The following TUSC3 variants were observed in gnomAD, a reference collection of about 807,000 sequenced individuals.
TUSC3 encodes the protein dolichyl-diphosphooligosaccharide--protein glycosyltransferase subunit TUSC3.
In TUSC3, 45 loss-of-function variants were observed where a neutral mutation model predicts 44.8. That is an observed-to-expected ratio of 1.00 (90% CI 0.79 to 1.29). The LOEUF is 1.29. Ranked by LOEUF, TUSC3 falls within the 50% of genes most tolerant of loss-of-function variation. TUSC3 has a pLI of 0.00. For missense variants in TUSC3, 519 were observed against 437.9 expected (o/e 1.19, Z -1.65); for synonymous variants, 212 against 152.9 (o/e 1.39, Z -2.85).
intron 1 of TUSC3, among the ~76,000 whole-genome samples, chr8:15,572,078 A>G (rs60452343): frequency 0.024 from 3,577 of 152,186 alleles, 157 homozygotes; most frequent in African/African-American, 0.081. Flanking sequence ...ATTAGCCCCT[A>G]CCAAGAGATT....
intron 2 of TUSC3, among the ~76,000 whole-genome samples, chr8:15,623,653 T>G (rs150708743): frequency 0.014 from 2,103 of 152,144 alleles, 48 homozygotes; most frequent in African/African-American, 0.046. Context: ...ATTAGAAATT[T>G]CTGTGCTGTA....
At chr8:15,567,038 A>G (rs1175584000) in intron 1 of TUSC3, among the ~76,000 whole-genome samples, 3 of 152,130 alleles carry the variant, frequency 2.0e-5, no homozygotes, top group African/African-American at 2.4e-5. Context: ...CAAATTGGGA[A>G]TGTGCAACAA....
At chr8:15,655,772 C>T (rs1585198570) in intron 3 of TUSC3, among the ~76,000 whole-genome samples, 1 of 152,128 alleles carries the variant, frequency 6.6e-6, no homozygotes, top group Admixed American at 6.5e-5. Flanking sequence ...TAGCTCTATT[C>T]CTGATGGATA....
At chr8:15,723,503 C>T (rs984365228) in intron 6 of TUSC3, among the ~76,000 whole-genome samples, 1 of 152,100 alleles carries the variant, frequency 6.6e-6, no homozygotes, top group Admixed American at 6.6e-5. Flanking sequence ...TTTTTGTCAC[C>T]TGGATGTAGA....
chr8:15,782,319 T>A, the TUSC3 span, among the ~76,000 whole-genome samples: 2,305 of 151,360 alleles, frequency 0.015, 21 homozygotes, highest in Non-Finnish European at 0.021. Flanking sequence ...CAAAAAAAAA[T>A]TTTTTTTTAA....
chr8:15,462,001 G>A, intron 1 of TUSC3, among the ~76,000 whole-genome samples: 1 of 151,952 alleles, frequency 6.6e-6, no homozygotes, highest in East Asian at 1.9e-4. Context: ...TCTTATAATT[G>A]TTTTCTTTCT....
intron 2 of TUSC3, among the ~76,000 whole-genome samples, chr8:15,510,083 G>A (rs893567456): frequency 3.9e-5 from 6 of 152,114 alleles, no homozygotes; most frequent in Non-Finnish European, 8.8e-5. Context: ...TGAGGGGGAA[G>A]AATTGTTTGA....
chr8:15,578,042 T>C (rs1480309515), intron 1 of TUSC3, among the ~76,000 whole-genome samples: 17 of 150,650 alleles, frequency 1.1e-4, no homozygotes, highest in African/African-American at 3.9e-4. Context: ...CCCTTGTAAG[T>C]TGGATTCCTA....
chr8:15,684,211 G>A (rs1183581545), intron 6 of TUSC3, among the ~76,000 whole-genome samples: 2 of 152,004 alleles, frequency 1.3e-5, no homozygotes, highest in African/African-American at 4.8e-5. Context: ...CCAGGGGTGG[G>A]TGGGGGGCAG....
intron 1 of TUSC3, among the ~76,000 whole-genome samples, chr8:15,542,784 A>G (rs963486261): frequency 5.9e-5 from 9 of 152,222 alleles, no homozygotes; most frequent in Non-Finnish European, 1.3e-4. Flanking sequence ...CTTGCAAATT[A>G]GTTTTATTTC....
At chr8:15,685,785 C>T (rs570426974) in intron 6 of TUSC3, among the ~76,000 whole-genome samples, 1 of 151,616 alleles carries the variant, frequency 6.6e-6, no homozygotes, top group East Asian at 1.9e-4. Flanking sequence ...TTTCCAACTG[C>T]ATTGAGCAAA....
downstream of TUSC3, among the ~76,000 whole-genome samples, chr8:15,767,477 GT>G (rs778026338): frequency 3.1e-3 from 450 of 146,250 alleles, 1 homozygote; most frequent in African/African-American, 9.4e-3. Flanking sequence ...TTGGAAATTT[GT>G]TTTAAAAAAA....
At chr8:15,628,623 TGAG>T (rs1012416496) in intron 2 of TUSC3, among the ~76,000 whole-genome samples, 10 of 152,092 alleles carry the variant, frequency 6.6e-5, no homozygotes, top group African/African-American at 2.4e-4. Context: ...AAAGGGAAGG[TGAG>T]GAGCAGGTTC....
chr8:15,447,675 G>C (rs1225094115), intron 1 of TUSC3, among the ~76,000 whole-genome samples: 1 of 150,666 alleles, frequency 6.6e-6, no homozygotes, highest in Non-Finnish European at 1.5e-5. Context: ...CCTTTGAAAA[G>C]CATGAACATA....
chr8:15,592,522 A>C (rs1053402789), intron 1 of TUSC3, among the ~76,000 whole-genome samples: 2 of 151,990 alleles, frequency 1.3e-5, no homozygotes, highest in Non-Finnish European at 2.9e-5. Flanking sequence ...CTGGTTGTTT[A>C]AAGGAGCCTG....
At chr8:15,826,236 GA>G in the TUSC3 span, among the ~76,000 whole-genome samples, 4 of 152,110 alleles carry the variant, frequency 2.6e-5, no homozygotes, top group South Asian at 4.1e-4. Context: ...TGGGAATTTT[GA>G]AATTTATGGT....
intron 2 of TUSC3, among the ~76,000 whole-genome samples, chr8:15,497,097 A>G (rs188025803): frequency 9.0e-4 from 137 of 152,332 alleles, no homozygotes; most frequent in Non-Finnish European, 1.5e-3. Flanking sequence ...AAGTGCTATC[A>G]GGAAAAATGG....
At chr8:15,784,845 C>G in the TUSC3 span, among the ~76,000 whole-genome samples, 4 of 152,042 alleles carry the variant, frequency 2.6e-5, no homozygotes, top group Non-Finnish European at 4.4e-5. Context: ...TGCACAGCAA[C>G]TACAGTCAAT....
intron 6 of TUSC3, among the ~76,000 whole-genome samples, chr8:15,718,044 T>A (rs903376491): frequency 3.3e-5 from 5 of 152,106 alleles, no homozygotes; most frequent in Admixed American, 2.6e-4. Flanking sequence ...TAGATATTGA[T>A]TGATTGATTG....
Sources: allele counts gnomAD v4.1 joint callset (sites outside exome capture counted in the v4.1 genomes callset), GRCh38; gene constraint gnomAD v4.1.1; transcripts MANE v1.5; gene names NCBI Gene and HGNC (gene_info 2026-07-23, HGNC 2026-07-21).